Variants in TUSC3 observed in about 807,000 individuals in gnomAD.
TUSC3 encodes tumor suppressor candidate 3, also known as dolichyl-diphosphooligosaccharide--protein glycosyltransferase subunit TUSC3.
Under a neutral mutation model 44.8 loss-of-function variants are expected in TUSC3, and 45 were observed. That is an observed-to-expected ratio of 1.00 (90% CI 0.79 to 1.29). The LOEUF is 1.29. TUSC3 is among the 50% of genes most tolerant of loss of function. The pLI is 0.00. For synonymous variants in TUSC3, 212 were observed against 152.9 expected (o/e 1.39, Z -2.85); for missense variants, 519 against 437.9 (o/e 1.19, Z -1.65).
At chr8:15,446,069 C>G (rs540461315) in intron 1 of TUSC3, among the ~76,000 whole-genome samples, 2 of 150,860 alleles carry the variant, frequency 1.3e-5, no homozygotes, top group African/African-American at 2.4e-5. Context: ...GGGGCAGAGA[C>G]GCTCCTCACC....
At chr8:15,676,662 T>C (rs547170629) in intron 6 of TUSC3, among the ~76,000 whole-genome samples, 1 of 152,254 alleles carries the variant, frequency 6.6e-6, no homozygotes, top group East Asian at 1.9e-4. Context: ...AACTACCGAC[T>C]ACTGGCAGTT....
At chr8:15,845,302 G>A in the TUSC3 span, among the ~76,000 whole-genome samples, 11 of 152,102 alleles carry the variant, frequency 7.2e-5, no homozygotes, top group African/African-American at 9.7e-5. Flanking sequence ...GCAAAGTGAG[G>A]AGTTTTGATT....
chr8:15,841,654 C>T, the TUSC3 span, among the ~76,000 whole-genome samples: 1 of 152,066 alleles, frequency 6.6e-6, no homozygotes, highest in African/African-American at 2.4e-5. Flanking sequence ...GCTAGGATTA[C>T]AGGCACATGC....
the TUSC3 span, among the ~76,000 whole-genome samples, chr8:15,809,149 C>G: frequency 6.6e-6 from 1 of 152,050 alleles, no homozygotes; most frequent in African/African-American, 2.4e-5. Flanking sequence ...CTTTTTATGT[C>G]AACGGCAGGA....
intron 1 of TUSC3, among the ~76,000 whole-genome samples, chr8:15,468,902 G>C (rs1800448939): frequency 6.6e-6 from 1 of 151,226 alleles, no homozygotes; most frequent in Non-Finnish European, 1.5e-5. Context: ...TCTGAGTTAA[G>C]AGTGCAGACA....
intron 6 of TUSC3, among the ~76,000 whole-genome samples, chr8:15,686,912 C>T (rs1338927903): frequency 6.6e-6 from 1 of 151,626 alleles, no homozygotes; most frequent in Non-Finnish European, 1.5e-5. Flanking sequence ...ACTAAAAATA[C>T]AAAAAATTAG....
chr8:15,601,351 G>C (rs1804282281), intron 1 of TUSC3, among the ~76,000 whole-genome samples: 1 of 151,612 alleles, frequency 6.6e-6, no homozygotes, highest in Admixed American at 6.6e-5. Flanking sequence ...AGTAGAAATG[G>C]AAGGCCCAAG....
At chr8:15,471,172 C>G (rs1212880443) in intron 1 of TUSC3, among the ~76,000 whole-genome samples, 1 of 152,144 alleles carries the variant, frequency 6.6e-6, no homozygotes, top group East Asian at 1.9e-4. Context: ...CTCATTGATT[C>G]ACCAAAACTT....
At chr8:15,796,603 C>T in the TUSC3 span, among the ~76,000 whole-genome samples, 198 of 152,316 alleles carry the variant, frequency 1.3e-3, 1 homozygote, top group Admixed American at 4.1e-3. Flanking sequence ...CTCAGCCAAA[C>T]CATCAGTGAA....
intron 1 of TUSC3, among the ~76,000 whole-genome samples, chr8:15,447,337 G>C (rs1412548976): frequency 6.6e-6 from 1 of 152,086 alleles, no homozygotes; most frequent in Admixed American, 6.6e-5. Flanking sequence ...TAGTACTTCA[G>C]CTGTCAGAAA....
intron 2 of TUSC3, among the ~76,000 whole-genome samples, chr8:15,633,538 G>A (rs986007194): frequency 1.3e-5 from 2 of 152,212 alleles, no homozygotes; most frequent in Non-Finnish European, 2.9e-5. Flanking sequence ...CTCAGGCAGG[G>A]CAGGCCTTTA....
At chr8:15,849,770 C>G in the TUSC3 span, among the ~76,000 whole-genome samples, 7 of 151,558 alleles carry the variant, frequency 4.6e-5, no homozygotes, top group East Asian at 1.4e-3. Context: ...GCACAATGAA[C>G]TGTTCCGATT....
chr8:15,655,722 C>T (rs354507), intron 3 of TUSC3, among the ~76,000 whole-genome samples: 129,414 of 152,208 alleles, frequency 0.85, 55,244 homozygotes, highest in Non-Finnish European at 0.88. Context: ...TGCAGACCTC[C>T]AGGGATTCAC....
At chr8:15,600,837 A>G (rs929114350) in intron 1 of TUSC3, among the ~76,000 whole-genome samples, 2 of 151,702 alleles carry the variant, frequency 1.3e-5, no homozygotes, top group Admixed American at 1.3e-4. Flanking sequence ...TTCTTTGTAG[A>G]TTGGTTAAAT....
Position 15,492,847 on chromosome 8 carries a change from T to C in TUSC3, n.189+9364T>C, listed in dbSNP as rs145564016. Reference sequence around the variant, plus strand: ...CCATATGAGTTTTTATCTTTGCATATATAGAATATGCAAAATATTATAATT... The same window carrying C: ...CCATATGAGTTTTTATCTTTGCATACATAGAATATGCAAAATATTATAATT... On this transcript the variant is annotated intron_variant and non_coding_transcript_variant, in intron 2 of 5. Transcript: ENST00000503191. Among the ~76,000 whole-genome samples the C allele has an allele frequency of 2.2e-3, 335 of 152,134 alleles. 2 individuals carry two copies. In the East Asian group the frequency reaches 0.042, roughly 19 times the overall value.
chr8:15,563,685 C>CA (rs150368776), intron 1 of TUSC3, among the ~76,000 whole-genome samples: 35,512 of 79,676 alleles, frequency 0.45, 8,098 homozygotes, highest in East Asian at 0.57. Flanking sequence ...GCCTCCATCT[C>CA]AAAAAAAAAA....
chr8:15,616,435 C>T (rs920606456), intron 1 of TUSC3, among the ~76,000 whole-genome samples: 6 of 151,762 alleles, frequency 4.0e-5, no homozygotes, highest in Admixed American at 2.0e-4. Flanking sequence ...AAAATTAGCC[C>T]GTCGTGGTGG....
At chr8:15,849,197 C>A in the TUSC3 span, among the ~76,000 whole-genome samples, 2 of 152,134 alleles carry the variant, frequency 1.3e-5, no homozygotes, top group Admixed American at 6.6e-5. Context: ...TATTCCACTT[C>A]GTGACGTATT....
chr8:15,725,182 G>A (rs186021657), intron 6 of TUSC3, among the ~76,000 whole-genome samples: 3 of 152,138 alleles, frequency 2.0e-5, no homozygotes, highest in Non-Finnish European at 2.9e-5. Flanking sequence ...AAGCAGAGAC[G>A]CCAGCACTGC....
Sources: allele counts gnomAD v4.1 joint callset (sites outside exome capture counted in the v4.1 genomes callset), GRCh38; gene constraint gnomAD v4.1.1; transcripts MANE v1.5; gene names NCBI Gene and HGNC (gene_info 2026-07-23, HGNC 2026-07-21).